The following PSTPIP1 variants were observed in gnomAD, a reference collection of about 807,000 sequenced individuals.
PSTPIP1 encodes proline-serine-threonine phosphatase interacting protein 1.
A neutral mutation model predicts 69.6 loss-of-function variants in PSTPIP1; 66 were observed. The ratio of observed to expected loss-of-function variants is 0.95; its 90% confidence interval spans 0.78 to 1.16. PSTPIP1 has a LOEUF of 1.16. Among genes scored for constraint, PSTPIP1 ranks in the 50% most tolerant of loss-of-function variants. The probability of loss-of-function intolerance (pLI) is 0.00; values close to 1 mark genes in which losing one functional copy is unlikely to be tolerated. For synonymous variants in PSTPIP1, 266 were observed against 222.7 expected (o/e 1.19, Z -1.73); for missense variants, 603 against 557.4 (o/e 1.08, Z -0.82).
chr15:77,028,275 A>AG (rs1228208978), intron 6 of PSTPIP1: 5 of 471,236 alleles, frequency 1.1e-5, no homozygotes, highest in Middle Eastern at 5.7e-4. Context: ...GGGCGTGGCG[A>AG]GGGGCGTGCC....
chr15:76,995,388 CT>C lies in PSTPIP1; in HGVS notation c.-181del. The C allele has an allele frequency of 6.9e-7, 1 of 1,445,270 alleles. No individual in the cohort carries two copies. The highest frequency in any genetic ancestry group is 9.1e-7 in the Non-Finnish European group (1 of 1,103,752). 89.5% of individuals were successfully genotyped at this position (1,445,270 alleles called of 1,614,324 possible). ...CTAGCCCCAAACAAAACAGGTTGAG[CT>C]TTTTCCTCCCCTCAGAAGCTCCTCT... On this transcript the variant is annotated 5_prime_UTR_variant, in exon 1 of 15. Coordinates refer to ENST00000558012, the MANE Select transcript of PSTPIP1 (RefSeq NM_003978.5).
intron 14 of PSTPIP1, 132 bp from the exon 15 acceptor site, chr15:77,036,913 C>T: frequency 7.9e-7 from 1 of 1,270,504 alleles, no homozygotes; most frequent in Non-Finnish European, 1.1e-6. Context: ...TCCTGTGTCC[C>T]CAAGGGGCTG....
At chr15:77,036,018 T>G in intron 14 of PSTPIP1, 83 bp downstream of exon 14, 1 of 1,439,000 alleles carries the variant, frequency 6.9e-7, no homozygotes, top group Non-Finnish European at 9.2e-7. Flanking sequence ...CCTTGCGTCC[T>G]CATCTCTCCT....
Position 77,018,479 on chromosome 15 carries a change from G to A in PSTPIP1, c.160G>A (p.Gly54Arg), listed in dbSNP as rs781698763. The change falls in exon 3 of 15, where the codon GGG (glycine) becomes AGG (arginine). Residue 54 changes from glycine (G) to arginine (R), a missense_variant. Physicochemically the swap from Gly to Arg is moderately radical, Grantham distance 125. Coordinates refer to ENST00000558012, the MANE Select transcript of PSTPIP1 (RefSeq NM_003978.5). ...CAGGGCCCAGGCGGAGGAGCGGTAC[G>A]GGAAGGAGCTGGTGCAGATCGCACG... ...RQRAQAEERY[G>R]KELVQIARKA... The A allele has an allele frequency of 1.2e-5, 19 of 1,584,692 alleles. No homozygotes were observed. Among genetic ancestry groups the A allele is most frequent in the Admixed American group, 7.2e-5 (4 of 55,358 alleles).
chr15:77,037,004 C>A, intron 14 of PSTPIP1, 41 bp from the exon 15 acceptor site: 1 of 1,599,480 alleles, frequency 6.3e-7, no homozygotes, highest in Non-Finnish European at 8.5e-7. Context: ...CCCTTCCCTG[C>A]AGGCCCTTCC....
rs377240256 is a variant in PSTPIP1, at chr15:77,028,566, T to G, written c.430T>G (p.Tyr144Asp). 6.2e-7 allele frequency: 1 copy of G among 1,601,642 alleles called. No homozygotes were observed. Among genetic ancestry groups the G allele is most frequent in the Non-Finnish European group, 8.5e-7 (1 of 1,174,958 alleles). Residue 144 changes from tyrosine to aspartate, a missense_variant, in exon 7 of 15, where the codon TAC (tyrosine) becomes GAC (aspartate). Physicochemically the swap from Tyr to Asp is radical, Grantham distance 160. Coordinates refer to ENST00000558012, the MANE Select transcript of PSTPIP1 (RefSeq NM_003978.5). ...YKKAMESKKTYEQKCRDADDA... is the reference protein window; with the variant it reads ...YKKAMESKKTDEQKCRDADDA... ...TCCACACCCCCAGTCCAAGAAGACA[T>G]ACGAGCAGAAGTGCCGGGACGCGGA...
rs1043847490 is a variant in PSTPIP1, at chr15:77,037,042, C to T, written c.1120-3C>T. On this transcript the variant is annotated splice_polypyrimidine_tract_variant and splice_region_variant and intron_variant, in intron 14 of 14. Coordinates refer to ENST00000558012, the MANE Select transcript of PSTPIP1 (RefSeq NM_003978.5). ...CGTCATGCGCTTTCAATCTCTTGGC[C>T]AGAACCCAGATGAGCTGGACCTGTC... is the stretch of plus-strand genomic sequence containing the variant. 1.2e-6 allele frequency: 2 copies of T among 1,611,776 alleles called. No homozygotes were observed. Among genetic ancestry groups the T allele is most frequent in the African/African-American group, 2.7e-5 (2 of 74,894 alleles).
intron 12 of PSTPIP1, among the ~76,000 whole-genome samples, chr15:77,034,037 TAG>T (rs139918038): frequency 1.0e-3 from 154 of 149,758 alleles, no homozygotes; most frequent in African/African-American, 3.3e-3. Flanking sequence ...CAGAGAGGAT[TAG>T]AGAGAGAGAG....
intron 1 of PSTPIP1, among the ~76,000 whole-genome samples, chr15:77,009,846 G>A (rs1276058927): frequency 1.3e-5 from 2 of 152,208 alleles, no homozygotes; most frequent in African/African-American, 4.8e-5. Context: ...CTGTGGGCCT[G>A]TCCTCCCCTG....
chr15:77,013,919 G>C (rs769888202), intron 1 of PSTPIP1, among the ~76,000 whole-genome samples: 1 of 152,222 alleles, frequency 6.6e-6, no homozygotes, highest in Non-Finnish European at 1.5e-5. Flanking sequence ...GTGGAGGAAG[G>C]TGTGTAGGGC....
Position 77,027,889 on chromosome 15 carries a change from T to A in PSTPIP1, c.392T>A (p.Leu131Gln). 2 of 1,569,052 alleles carry A rather than the reference T, an allele frequency of 1.3e-6. No homozygotes were observed. The highest frequency in any genetic ancestry group is 1.7e-6 in the Non-Finnish European group (2 of 1,157,772). The change falls in exon 6 of 15, where the codon CTG (leucine) becomes CAG (glutamine). Residue 131 changes from leucine (L) to glutamine (Q), a missense_variant. By Grantham distance (113) the Leu-to-Gln change is moderately radical (BLOSUM62 -2). Transcript: ENST00000558012. This position sits in a 1 kb window ranked among gnomAD's most constrained non-coding sequence, Gnocchi z 4.3. ...AVMDRVQKSK[L>Q]SLYKKAMESK... ...ATGGACCGGGTCCAGAAGAGCAAGCTGTCGCTCTACAAGAAGGCCATGGAG... is the reference window on the plus strand; with the variant it reads ...ATGGACCGGGTCCAGAAGAGCAAGCAGTCGCTCTACAAGAAGGCCATGGAG...
chr15:77,026,121 G>A (rs2076275293), intron 5 of PSTPIP1: 1 of 456,038 alleles, frequency 2.2e-6, no homozygotes, highest in Non-Finnish European at 4.4e-6. Context: ...TGTAGGGCAT[G>A]GCTGTCCCGA....
chr15:77,002,838 C>T (rs2075738081), intron 1 of PSTPIP1, among the ~76,000 whole-genome samples: 1 of 152,168 alleles, frequency 6.6e-6, no homozygotes, highest in African/African-American at 2.4e-5. Context: ...CTTTTCCTGG[C>T]TGCTCCTGAC....
In PSTPIP1 at chr15:77,027,951, A is replaced by G; in HGVS notation, c.417+37A>G. ...GGCCTGGGGCCGCGGCCTTCCCTCG[A>G]GGAGCAGCGCAGGTCTCAGGGTGCG... On this transcript the variant is annotated intron_variant, in intron 6 of 14. Transcript: ENST00000558012. This position sits in a 1 kb window ranked among gnomAD's most constrained non-coding sequence, Gnocchi z 4.3. 6.6e-7 allele frequency: 1 copy of G among 1,513,684 alleles called. No individual in the cohort carries two copies. The highest frequency in any genetic ancestry group is 9.0e-7 in the Non-Finnish European group (1 of 1,114,008). The allele number at this position is 1,513,684 out of a possible 1,614,324, so 93.8% of individuals were successfully genotyped here.
intron 1 of PSTPIP1, among the ~76,000 whole-genome samples, chr15:76,998,568 C>A (rs542140044): frequency 6.6e-5 from 10 of 152,172 alleles, no homozygotes; most frequent in Non-Finnish European, 1.3e-4. Context: ...TAGTGGCAGT[C>A]TGCACAGTAC....
intron 14 of PSTPIP1, 50 bp downstream of exon 14, chr15:77,035,985 A>G: frequency 6.5e-7 from 1 of 1,531,438 alleles, no homozygotes. Flanking sequence ...CCTGCACCTG[A>G]GAGCTCCCTC....
intron 1 of PSTPIP1, among the ~76,000 whole-genome samples, chr15:77,014,479 C>A (rs1375492784): frequency 6.6e-6 from 1 of 152,230 alleles, no homozygotes; most frequent in East Asian, 1.9e-4. Flanking sequence ...CTGTGGCCTA[C>A]ACTAACAGGA....
chr15:77,010,726 C>CA (rs1356083479), intron 1 of PSTPIP1, among the ~76,000 whole-genome samples: 1 of 152,132 alleles, frequency 6.6e-6, no homozygotes, highest in African/African-American at 2.4e-5. Context: ...CGGCTCACTG[C>CA]AGCCTCTGCC....
At chr15:76,994,846 G>C (rs574687880), upstream of PSTPIP1, 36 of 1,289,114 alleles carry the variant, frequency 2.8e-5, no homozygotes, top group African/African-American at 5.2e-4. Flanking sequence ...TTGCTAGTGC[G>C]GGGTGGGGAG....
Sources: allele counts gnomAD v4.1 joint callset (sites outside exome capture counted in the v4.1 genomes callset), GRCh38; gene constraint gnomAD v4.1.1; non-coding constraint Gnocchi (gnomAD v3.1); transcripts MANE v1.5; gene names NCBI Gene and HGNC (gene_info 2026-07-23, HGNC 2026-07-21).